The following ATAD2B variants were observed in gnomAD, a reference collection of about 807,000 sequenced individuals.
The protein encoded by ATAD2B is ATPase family AAA domain-containing protein 2B.
ATAD2B carries 40 observed loss-of-function variants against 167.6 expected under a neutral mutation model. That is an observed-to-expected ratio of 0.24 (90% CI 0.19 to 0.31). The LOEUF is 0.31. Among genes scored for constraint, ATAD2B ranks in the 10% least tolerant of loss-of-function variants. The probability of loss-of-function intolerance (pLI) is 1.00; values close to 1 mark genes in which losing one functional copy is unlikely to be tolerated. For missense variants in ATAD2B, 1,242 were observed against 1,757.2 expected, an observed-to-expected ratio of 0.71 and a Z score of 5.24; for synonymous variants, 579 against 596.5, an observed-to-expected ratio of 0.97 and a Z score of 0.43.
At chr2:23,738,637 T>C in the ATAD2B span, among the ~76,000 whole-genome samples, 1 of 152,144 alleles carries the variant, frequency 6.6e-6, no homozygotes, top group South Asian at 2.1e-4. Context: ...AGAAACTGCA[T>C]CAACTAACGG....
the ATAD2B span, among the ~76,000 whole-genome samples, chr2:23,683,693 C>A: frequency 6.6e-6 from 1 of 152,206 alleles, no homozygotes; most frequent in Admixed American, 6.5e-5. Flanking sequence ...AAAGCAGGCT[C>A]TGCCCCATGT....
the ATAD2B span, among the ~76,000 whole-genome samples, chr2:23,699,002 A>C: frequency 6.6e-6 from 1 of 152,234 alleles, no homozygotes; most frequent in Non-Finnish European, 1.5e-5. Context: ...AGATATCTGA[A>C]CTTCTGACAC....
intron 1 of ATAD2B, among the ~76,000 whole-genome samples, chr2:23,923,964 CGA>C (rs1044955195): frequency 2.6e-5 from 4 of 152,060 alleles, no homozygotes; most frequent in Non-Finnish European, 4.4e-5. Flanking sequence ...GGGCTGATGA[CGA>C]GGTCAGGAGA....
At chr2:23,856,018 C>A (rs1275156225) in intron 13 of ATAD2B, 3 of 152,158 alleles carry the variant, frequency 2.0e-5, no homozygotes, top group African/African-American at 7.3e-5. Context: ...GAAACCCAGT[C>A]TCTACTAAAA....
chr2:23,856,483 A>G (rs1159912786), intron 13 of ATAD2B: 1 of 406,232 alleles, frequency 2.5e-6, no homozygotes, highest in African/African-American at 2.2e-5. Context: ...CAGATGGTAG[A>G]TTGAAAAATA....
the ATAD2B span, among the ~76,000 whole-genome samples, chr2:23,735,168 T>G: frequency 6.6e-6 from 1 of 152,338 alleles, no homozygotes; most frequent in Admixed American, 6.5e-5. Flanking sequence ...CAGCATTATC[T>G]TCCACCATAC....
intron 12 of ATAD2B, among the ~76,000 whole-genome samples, chr2:23,858,489 C>CTTT (rs34177847): frequency 1.9e-4 from 25 of 134,392 alleles, no homozygotes; most frequent in Admixed American, 1.6e-4. Flanking sequence ...CTGTCTCATT[C>CTTT]TTTTTTTTTT....
At chr2:23,728,299 A>G in the ATAD2B span, among the ~76,000 whole-genome samples, 3 of 152,236 alleles carry the variant, frequency 2.0e-5, no homozygotes, top group African/African-American at 7.2e-5. Context: ...TTTTGTATAA[A>G]CAAAGAGGGG....
chr2:23,926,934 G>A lies in ATAD2B; in HGVS notation c.-164C>T, dbSNP rs1460838880. ...GAGCACAAGAGAGAGCCGGGCAGAG[G>A]AAGGGAAGTCGGCGTGAGCAGGCGG... On this transcript the variant is annotated 5_prime_UTR_variant, in exon 1 of 28. Transcript: ENST00000238789. 5.9e-6 allele frequency: 5 copies of A among 846,390 alleles called. No individual in the cohort carries two copies. Among genetic ancestry groups the A allele is most frequent in the Non-Finnish European group, 1.7e-6 (1 of 587,476 alleles). The allele number at this position is 846,390 out of a possible 1,614,324, so 52.4% of individuals were successfully genotyped here.
At chr2:23,902,569 A>G (rs565427774) in intron 1 of ATAD2B, among the ~76,000 whole-genome samples, 4 of 152,304 alleles carry the variant, frequency 2.6e-5, no homozygotes, top group African/African-American at 9.6e-5. Context: ...CTTTGAGAGA[A>G]GGCGTTACCA....
the ATAD2B span, among the ~76,000 whole-genome samples, chr2:23,683,289 G>A: frequency 6.6e-6 from 1 of 152,214 alleles, no homozygotes; most frequent in African/African-American, 2.4e-5. Context: ...AAGGGAAATC[G>A]CCTGGCCTGA....
chr2:23,852,511 T>C (rs1206480336), intron 13 of ATAD2B, among the ~76,000 whole-genome samples: 1 of 152,204 alleles, frequency 6.6e-6, no homozygotes, highest in Non-Finnish European at 1.5e-5. Context: ...AAAATCTCAT[T>C]AATACAGATA....
chr2:23,887,969 G>A lies in ATAD2B; in HGVS notation c.435C>T (p.Pro145=). The change falls in exon 4 of 28, where the codon CCC becomes CCT. Residue 145 remains proline (P), a synonymous_variant. Transcript: ENST00000238789. ...GHSGLSLRSH[P]LRGEKKGDGD... ...CATCTCCCTTCTTTTCCCCTCGAAG[G>A]GGATGGCTTCGAAGGGCTACAAGAA... 6.3e-7 allele frequency: 1 copy of A among 1,595,608 alleles called. No homozygotes were observed. The highest frequency in any genetic ancestry group is 1.1e-5 in the South Asian group (1 of 87,546).
At chr2:23,786,952 C>A (rs1457735012) in intron 20 of ATAD2B, among the ~76,000 whole-genome samples, 2 of 151,800 alleles carry the variant, frequency 1.3e-5, no homozygotes, top group East Asian at 3.9e-4. Flanking sequence ...ACCTTCCTAT[C>A]CCCAAAAGAA....
intron 18 of ATAD2B, among the ~76,000 whole-genome samples, chr2:23,800,291 G>A (rs1036140103): frequency 2.0e-5 from 3 of 152,122 alleles, no homozygotes; most frequent in Non-Finnish European, 4.4e-5. Flanking sequence ...ATTCAGCCAT[G>A]CAAGCTACCA....
At chr2:23,790,659 A>G (rs984517778) in intron 19 of ATAD2B, among the ~76,000 whole-genome samples, 6 of 152,140 alleles carry the variant, frequency 3.9e-5, no homozygotes, top group Non-Finnish European at 7.4e-5. Flanking sequence ...TGGTGTACCA[A>G]AGACAAGCCT....
intron 6 of ATAD2B, chr2:23,883,761 C>G (rs778335030): frequency 1.1e-5 from 4 of 348,316 alleles, no homozygotes; most frequent in Non-Finnish European, 2.1e-5. Flanking sequence ...CTAAACTACA[C>G]AAATAATGGG....
At chr2:23,714,594 C>A in the ATAD2B span, among the ~76,000 whole-genome samples, 1 of 151,406 alleles carries the variant, frequency 6.6e-6, no homozygotes, top group African/African-American at 2.4e-5. Context: ...GTAGCTCACG[C>A]CTGTAATCCC....
At chr2:23,701,372 G>C in the ATAD2B span, among the ~76,000 whole-genome samples, 1 of 152,310 alleles carries the variant, frequency 6.6e-6, no homozygotes, top group South Asian at 2.1e-4. Context: ...TGCAGACACA[G>C]TGATCTCTCT....
Sources: allele counts gnomAD v4.1 joint callset (sites outside exome capture counted in the v4.1 genomes callset), GRCh38; gene constraint gnomAD v4.1.1; transcripts MANE v1.5; gene names NCBI Gene and HGNC (gene_info 2026-07-23, HGNC 2026-07-21).